The following LRBA variants were observed in gnomAD, a reference collection of about 807,000 sequenced individuals.
LRBA encodes lipopolysaccharide-responsive and beige-like anchor protein.
A neutral mutation model predicts 330.0 loss-of-function variants in LRBA; 176 were observed. The observed-to-expected ratio is 0.53, with a 90% confidence interval of 0.47 to 0.60. The LOEUF (loss-of-function observed/expected upper bound fraction) is 0.60, where lower values mean the gene tolerates loss of function less well. Ranked by LOEUF, LRBA falls within the 20% of genes least tolerant of loss-of-function variation. The pLI, the probability that LRBA is intolerant of heterozygous loss-of-function variation, is 0.00. For missense variants in LRBA, 3,259 were observed against 3,444.8 expected (o/e 0.95, Z 1.35); for synonymous variants, 1,230 against 1,193.0 (o/e 1.03, Z -0.64).
chr4:150,602,132 C>T (rs533565765), intron 37 of LRBA, among the ~76,000 whole-genome samples: 2 of 152,250 alleles, frequency 1.3e-5, no homozygotes, highest in African/African-American at 4.8e-5. Context: ...CCAGTTACAA[C>T]ACAATTAAAA....
intron 36 of LRBA, among the ~76,000 whole-genome samples, chr4:150,709,188 A>C (rs1469772213): frequency 6.6e-6 from 1 of 151,920 alleles, no homozygotes. Context: ...TAAATTGTGA[A>C]GCCTAGAACC....
At chr4:150,405,688 G>A (rs1223442773) in intron 47 of LRBA, among the ~76,000 whole-genome samples, 1 of 152,044 alleles carries the variant, frequency 6.6e-6, no homozygotes, top group Non-Finnish European at 1.5e-5. Context: ...GGTAAGGAAT[G>A]GAGCTGAGTT....
intron 40 of LRBA, among the ~76,000 whole-genome samples, chr4:150,567,430 T>C (rs1298323917): frequency 6.6e-6 from 1 of 152,024 alleles, no homozygotes; most frequent in Non-Finnish European, 1.5e-5. Flanking sequence ...TAAGAAACTG[T>C]CATGGACAAC....
chr4:150,926,159 T>C (rs998144896), intron 4 of LRBA, among the ~76,000 whole-genome samples: 2 of 152,128 alleles, frequency 1.3e-5, no homozygotes, highest in South Asian at 2.1e-4. Flanking sequence ...CATTGACTCT[T>C]TGACTTAATA....
intron 47 of LRBA, among the ~76,000 whole-genome samples, chr4:150,367,084 C>T (rs777069680): frequency 3.9e-5 from 6 of 152,116 alleles, no homozygotes; most frequent in African/African-American, 7.2e-5. Context: ...CTCCAAATAA[C>T]GTCATCAAAT....
At chr4:150,388,626 G>A (rs62347035) in intron 47 of LRBA, among the ~76,000 whole-genome samples, 34,457 of 152,120 alleles carry the variant, frequency 0.23, 4,538 homozygotes, top group Non-Finnish European at 0.31. Context: ...AATAGAAGAA[G>A]TAGGAAATTG....
Position 150,928,545 on chromosome 4 carries a change from T to C in LRBA, c.520A>G (p.Ser174Gly), listed in dbSNP as rs771952832. The C allele has an allele frequency of 1.2e-5, 19 of 1,613,708 alleles. No individual in the cohort carries two copies. The highest frequency in any genetic ancestry group is 3.3e-5 in the South Asian group (3 of 91,032). Reference protein sequence around the residue: ...LTVRELKLFFSKLQGDKGRWP... With the variant: ...LTVRELKLFFGKLQGDKGRWP... Reference sequence around the variant, plus strand: ...CGTCCTTTATCTCCTTGAAGTTTACTGAAGAAAAGCTTTAGCTCGCGAACT... The same window carrying C: ...CGTCCTTTATCTCCTTGAAGTTTACCGAAGAAAAGCTTTAGCTCGCGAACT... The change falls in exon 4 of 57, where the codon AGT (serine) becomes GGT (glycine). Residue 174 changes from serine to glycine, a missense_variant. Physicochemically the swap from Ser to Gly is moderately conservative, Grantham distance 56. Coordinates refer to ENST00000651943, the MANE Select transcript of LRBA (RefSeq NM_001364905.1).
chr4:150,529,659 T>C (rs11099767), intron 40 of LRBA, among the ~76,000 whole-genome samples: 12,549 of 151,438 alleles, frequency 0.083, 913 homozygotes, highest in African/African-American at 0.19. Context: ...GTAGCGGAGG[T>C]TGCAGTGAGC....
At chr4:150,507,472 T>C (rs1761248929) in intron 40 of LRBA, among the ~76,000 whole-genome samples, 1 of 149,640 alleles carries the variant, frequency 6.7e-6, no homozygotes, top group Non-Finnish European at 1.5e-5. Flanking sequence ...AAACAAGAAA[T>C]GAGGAAAGGA....
At position 150,482,098 on chromosome 4, in the gene LRBA, T is replaced by C. The variant is rs1757365552; in HGVS notation, c.6551+5634A>G. Among the ~76,000 whole-genome samples the C allele has an allele frequency of 2.0e-5, 3 of 151,876 alleles. No homozygotes were observed. In the South Asian group the frequency reaches 6.3e-4, roughly 32 times the overall value. ...ATTTTTAGGTGTACAATATAATGAG[T>C]TTTCTAAACATAGAGGCTTATGTAA... On this transcript the variant is annotated intron_variant, in intron 42 of 56. Transcript: ENST00000651943.
intron 44 of LRBA, among the ~76,000 whole-genome samples, chr4:150,461,070 G>T (rs746245816): frequency 6.6e-6 from 1 of 151,664 alleles, no homozygotes; most frequent in Non-Finnish European, 1.5e-5. Flanking sequence ...TGTAAAATAG[G>T]TTTAATCAAA....
chr4:150,981,349 G>A (rs1011853532), intron 2 of LRBA, among the ~76,000 whole-genome samples: 4 of 151,182 alleles, frequency 2.6e-5, no homozygotes, highest in South Asian at 2.1e-4. Flanking sequence ...GGAAGTGGAG[G>A]TTGTGGTGAG....
chr4:150,552,427 C>T (rs1033211196), intron 40 of LRBA, among the ~76,000 whole-genome samples: 1 of 152,012 alleles, frequency 6.6e-6, no homozygotes, highest in South Asian at 2.1e-4. Flanking sequence ...CAGGGAAATG[C>T]AAATCAAAAC....
intron 40 of LRBA, among the ~76,000 whole-genome samples, chr4:150,531,806 G>A (rs976492550): frequency 6.6e-6 from 1 of 152,194 alleles, no homozygotes; most frequent in African/African-American, 2.4e-5. Flanking sequence ...TGTAACTGAT[G>A]TCCAAACAGT....
intron 35 of LRBA, among the ~76,000 whole-genome samples, chr4:150,759,476 T>C (rs1183120388): frequency 6.6e-6 from 1 of 152,194 alleles, no homozygotes; most frequent in Non-Finnish European, 1.5e-5. Flanking sequence ...TTTCCATACA[T>C]GCCCCTTTAA....
intron 40 of LRBA, chr4:150,580,303 T>G (rs1407366410): frequency 6.6e-6 from 1 of 151,824 alleles, no homozygotes; most frequent in Non-Finnish European, 1.5e-5. Context: ...TAGTTTTTTT[T>G]TAAGCAAATA....
chr4:150,808,128 A>T (rs1448320886), intron 32 of LRBA, among the ~76,000 whole-genome samples, 192 bp downstream of exon 32: 1 of 151,920 alleles, frequency 6.6e-6, no homozygotes, highest in Admixed American at 6.5e-5. Flanking sequence ...GTACATCATC[A>T]AATGACTTGT....
Position 150,850,793 on chromosome 4 carries a change from G to A in LRBA, c.3935C>T (p.Ser1312Phe). ...TVFRIPEFNWSQMHQRLLTDL... is the reference protein window; with the variant it reads ...TVFRIPEFNWFQMHQRLLTDL... ...AGTGAGCAAACGTTGATGCATCTGA[G>A]ACCAGTTGAACTCAGGAATACGAAA... The change falls in exon 24 of 57, where the codon TCT (serine) becomes TTT (phenylalanine). Residue 1312 changes from serine to phenylalanine, a missense_variant. Physicochemically the swap from Ser to Phe is radical, Grantham distance 155. Coordinates refer to ENST00000651943, the MANE Select transcript of LRBA (RefSeq NM_001364905.1). 6.2e-7 allele frequency: 1 copy of A among 1,613,466 alleles called. No individual in the cohort carries two copies. The highest frequency in any genetic ancestry group is 1.3e-5 in the African/African-American group (1 of 75,024).
chr4:150,789,584 G>A (rs1578788503), intron 34 of LRBA, among the ~76,000 whole-genome samples: 1 of 152,074 alleles, frequency 6.6e-6, no homozygotes, highest in Non-Finnish European at 1.5e-5. Context: ...GAGAAGCTGG[G>A]ATGCCTAATA....
Sources: allele counts gnomAD v4.1 joint callset (sites outside exome capture counted in the v4.1 genomes callset), GRCh38; gene constraint gnomAD v4.1.1; transcripts MANE v1.5; gene names NCBI Gene and HGNC (gene_info 2026-07-23, HGNC 2026-07-21).